KIF21A: variants seen among roughly 807,000 people sequenced by gnomAD.
The protein encoded by KIF21A is kinesin family member 21A, also known as kinesin-like protein KIF21A.
In KIF21A, 114 loss-of-function variants were observed where a neutral mutation model predicts 202.9. That is an observed-to-expected ratio of 0.56 (90% CI 0.48 to 0.66). The LOEUF is 0.66. Ranked by LOEUF, KIF21A falls within the 30% of genes least tolerant of loss-of-function variation. KIF21A has a pLI of 0.00. For synonymous variants in KIF21A, 667 were observed against 670.8 expected, an observed-to-expected ratio of 0.99 and a Z score of 0.09; for missense variants, 1,677 against 1,994.9, an observed-to-expected ratio of 0.84 and a Z score of 3.04.
intron 12 of KIF21A, among the ~76,000 whole-genome samples, chr12:39,342,655 G>C (rs549187431): frequency 1.3e-5 from 2 of 152,268 alleles, no homozygotes; most frequent in South Asian, 4.1e-4. Context: ...CCTTCAGGTA[G>C]TGGCACAGGC....
intron 6 of KIF21A, among the ~76,000 whole-genome samples, chr12:39,364,516 T>A (rs1949471027): frequency 6.6e-6 from 1 of 152,198 alleles, no homozygotes; most frequent in Non-Finnish European, 1.5e-5. Flanking sequence ...ACCATCAAGA[T>A]GAGTATTGGA....
chr12:39,299,753 A>G (rs558634796), intron 37 of KIF21A, among the ~76,000 whole-genome samples: 2 of 152,342 alleles, frequency 1.3e-5, no homozygotes, highest in African/African-American at 4.8e-5. Flanking sequence ...CATATACATC[A>G]TGGAATACCA....
intron 1 of KIF21A, among the ~76,000 whole-genome samples, chr12:39,395,842 CAAAA>C (rs747398067): frequency 3.5e-5 from 3 of 84,954 alleles, no homozygotes; most frequent in Admixed American, 1.3e-4. Flanking sequence ...GACTCCGTCT[CAAAA>C]AAAAAAAAAA....
intron 8 of KIF21A, 27 bp downstream of exon 8, chr12:39,358,151 A>T (rs1237052184): frequency 3.1e-6 from 5 of 1,604,880 alleles, no homozygotes; most frequent in Non-Finnish European, 4.3e-6. Flanking sequence ...TGTATCACAA[A>T]ATGCAAAGTC....
intron 1 of KIF21A, among the ~76,000 whole-genome samples, chr12:39,411,513 T>A (rs983494334): frequency 2.6e-5 from 4 of 152,168 alleles, no homozygotes; most frequent in African/African-American, 9.7e-5. Context: ...TTTAAAAATA[T>A]AACACGTATA....
At chr12:39,382,324 C>G (rs973463504) in intron 1 of KIF21A, among the ~76,000 whole-genome samples, 1 of 151,906 alleles carries the variant, frequency 6.6e-6, no homozygotes, top group Non-Finnish European at 1.5e-5. Flanking sequence ...AAAACCATTG[C>G]CATAGAAAAA....
intron 11 of KIF21A, among the ~76,000 whole-genome samples, chr12:39,347,676 G>A (rs937194229): frequency 3.3e-5 from 5 of 151,918 alleles, no homozygotes; most frequent in Admixed American, 2.0e-4. Context: ...ATCTTTCTGA[G>A]AAAAAGTCTA....
At chr12:39,342,151 T>C (rs767463416) in intron 12 of KIF21A, 27 bp from the exon 13 acceptor site, 1 of 1,464,660 alleles carries the variant, frequency 6.8e-7, no homozygotes, top group South Asian at 1.1e-5. Context: ...AAGGGTATGG[T>C]GTTAAAATAG....
rs1054983568 is a variant in KIF21A at position 39,295,692 on chromosome 12, G to GTTT, written c.4932-1178_4932-1176dup. Among the ~76,000 whole-genome samples the GTTT allele has an allele frequency of 2.5e-3, 193 of 78,138 alleles. 20 individuals are homozygous for GTTT. The highest frequency in any genetic ancestry group is 0.014 in the Middle Eastern group (2 of 148). 51.3% of individuals were successfully genotyped at this position (78,138 alleles called of 152,430 possible). On this transcript the variant is annotated intron_variant, in intron 37 of 37. Transcript: ENST00000361418. ...TACATGCCAAGCATGCTTGGGATAT[G>GTTT]TTTTTTTTTTTTTTTTTTTTTTTTT...
intron 7 of KIF21A, among the ~76,000 whole-genome samples, chr12:39,360,392 G>GAAAAAAA (rs1949117875): frequency 7.3e-6 from 1 of 136,980 alleles, no homozygotes; most frequent in Non-Finnish European, 1.5e-5. Context: ...TTAGAAATAT[G>GAAAAAAA]ATTTTTTTTT....
chr12:39,331,594 T>A (rs547944869), intron 22 of KIF21A, 96 bp downstream of exon 22: 1 of 835,000 alleles, frequency 1.2e-6, no homozygotes, highest in South Asian at 1.4e-5. Flanking sequence ...ATCTTCTTCC[T>A]TATTACAAAG....
chr12:39,342,722 C>T (rs986057294), intron 12 of KIF21A, among the ~76,000 whole-genome samples: 1 of 152,154 alleles, frequency 6.6e-6, no homozygotes, highest in Non-Finnish European at 1.5e-5. Flanking sequence ...TGGTCTCACA[C>T]AATGTGTCTT....
chr12:39,322,691 G>A lies in KIF21A; in HGVS notation c.3648C>T (p.Gly1216=). 1 of 1,614,052 alleles carries A rather than the reference G, an allele frequency of 6.2e-7. No homozygotes were observed. Among genetic ancestry groups the A allele is most frequent in the African/African-American group, 1.3e-5 (1 of 75,024 alleles). ...AREKELSPPP[G]LPSKIGSISR... is the part of the protein sequence containing the mutation. Reference sequence around the variant, plus strand: ...ACATGCTGCCTATCTTAGAAGGTAAGCCAGGTGGGGGAGAGAGCTCTTTTT... The same window carrying A: ...ACATGCTGCCTATCTTAGAAGGTAAACCAGGTGGGGGAGAGAGCTCTTTTT... The change falls in exon 27 of 38, where the codon GGC becomes GGT. Residue 1216 remains glycine, a synonymous_variant. Transcript: ENST00000361418.
Position 39,366,330 on chromosome 12 carries a change from G to T in KIF21A, c.903+20C>A. 1 of 1,607,242 alleles carries T rather than the reference G, an allele frequency of 6.2e-7. No homozygotes were observed. The highest frequency in any genetic ancestry group is 1.1e-5 in the South Asian group (1 of 90,966). ...ATAGAAAAGCTCTGATATATTCTCAGCACAAAGCCTTAATCTTACAAGTCC... is the reference window on the plus strand; with the variant it reads ...ATAGAAAAGCTCTGATATATTCTCATCACAAAGCCTTAATCTTACAAGTCC... On this transcript the variant is annotated intron_variant, in intron 6 of 37. Coordinates refer to ENST00000361418, the MANE Select transcript of KIF21A (RefSeq NM_001173464.2).
chr12:39,425,792 A>C (rs1954695174), intron 1 of KIF21A, among the ~76,000 whole-genome samples: 1 of 152,086 alleles, frequency 6.6e-6, no homozygotes, highest in Non-Finnish European at 1.5e-5. Flanking sequence ...CCAAGGTTAA[A>C]AACTAGGAAA....
chr12:39,360,823 A>G (rs1045433985), intron 7 of KIF21A, among the ~76,000 whole-genome samples: 1 of 152,256 alleles, frequency 6.6e-6, no homozygotes, highest in Non-Finnish European at 1.5e-5. Flanking sequence ...AAAAGACACT[A>G]AATTATGCAC....
At chr12:39,355,250 G>A (rs1297963894) in intron 10 of KIF21A, among the ~76,000 whole-genome samples, 2 of 152,194 alleles carry the variant, frequency 1.3e-5, no homozygotes, top group Non-Finnish European at 2.9e-5. Context: ...GAAGACATTA[G>A]ATGCTGCTTT....
intron 1 of KIF21A, among the ~76,000 whole-genome samples, chr12:39,411,718 T>G (rs1358765852): frequency 6.6e-6 from 1 of 151,946 alleles, no homozygotes; most frequent in East Asian, 1.9e-4. Flanking sequence ...ATTTTTATTT[T>G]TAGAGATGAG....
intron 1 of KIF21A, among the ~76,000 whole-genome samples, chr12:39,377,603 G>A (rs1235503494): frequency 4.6e-5 from 7 of 152,062 alleles, no homozygotes; most frequent in Admixed American, 4.6e-4. Context: ...TAAATAATAA[G>A]TAACTCAAGC....
Sources: gnomAD v4.1 joint callset for allele counts (sites outside exome capture counted in the v4.1 genomes callset) on GRCh38, gnomAD v4.1.1 for gene constraint, MANE v1.5 for transcripts, NCBI Gene and HGNC (gene_info 2026-07-23, HGNC 2026-07-21) for gene names.